Variants in CCDC192 observed in about 807,000 individuals in gnomAD.
The protein encoded by CCDC192 is coiled-coil domain-containing protein 192.
intron 5 of CCDC192, among the ~76,000 whole-genome samples, chr5:127,871,526 C>T (rs1407452187): frequency 6.6e-6 from 1 of 152,182 alleles, no homozygotes; most frequent in Non-Finnish European, 1.5e-5. Flanking sequence ...AACTACTACA[C>T]GGCATAGTGT....
chr5:127,839,960 A>T (rs1236005047), intron 5 of CCDC192, among the ~76,000 whole-genome samples: 5 of 152,238 alleles, frequency 3.3e-5, no homozygotes, highest in Admixed American at 3.3e-4. Context: ...TTTCATGAGA[A>T]TTAAATAAAA....
At chr5:127,823,667 G>C (rs544748563) in intron 5 of CCDC192, among the ~76,000 whole-genome samples, 14 of 152,118 alleles carry the variant, frequency 9.2e-5, no homozygotes, top group Non-Finnish European at 2.1e-4. Context: ...GTTCTCATTG[G>C]AAAGAGCTGT....
chr5:127,903,344 G>A (rs899953216), intron 6 of CCDC192, among the ~76,000 whole-genome samples: 1 of 151,732 alleles, frequency 6.6e-6, no homozygotes, highest in African/African-American at 2.4e-5. Context: ...CCAGGTTCAC[G>A]TGATTCTCCT....
chr5:127,737,687 G>A (rs1753105822), intron 2 of CCDC192, among the ~76,000 whole-genome samples: 1 of 151,492 alleles, frequency 6.6e-6, no homozygotes, highest in Admixed American at 6.6e-5. Context: ...TTATGTAATG[G>A]CCTTCTTTGT....
At chr5:127,791,858 A>G (rs1182496740) in intron 3 of CCDC192, among the ~76,000 whole-genome samples, 2 of 152,208 alleles carry the variant, frequency 1.3e-5, no homozygotes, top group African/African-American at 4.8e-5. Context: ...ACTGACAGAA[A>G]CCATTCTTCA....
chr5:127,826,769 C>T (rs1749552124), intron 5 of CCDC192, among the ~76,000 whole-genome samples: 1 of 150,864 alleles, frequency 6.6e-6, no homozygotes. Context: ...CACATGTACC[C>T]CCTCAAGCTA....
chr5:127,821,779 T>A (rs1749304360), intron 5 of CCDC192, among the ~76,000 whole-genome samples: 2 of 152,166 alleles, frequency 1.3e-5, no homozygotes, highest in Admixed American at 1.3e-4. Flanking sequence ...ATTTCTTCCA[T>A]GGCAGCATAA....
chr5:127,872,959 G>A (rs1236895394), intron 5 of CCDC192, among the ~76,000 whole-genome samples: 1 of 152,160 alleles, frequency 6.6e-6, no homozygotes, highest in Admixed American at 6.5e-5. Flanking sequence ...AAGTGGTCTG[G>A]TAATTGAATA....
At chr5:127,920,722 A>G (rs1402229633) in intron 6 of CCDC192, among the ~76,000 whole-genome samples, 1 of 151,830 alleles carries the variant, frequency 6.6e-6, no homozygotes, top group Non-Finnish European at 1.5e-5. Context: ...CTAAAGAGGT[A>G]TTAATAAGTT....
intron 3 of CCDC192, among the ~76,000 whole-genome samples, chr5:127,790,898 T>C (rs1756831076): frequency 6.6e-6 from 1 of 152,224 alleles, no homozygotes; most frequent in African/African-American, 2.4e-5. Context: ...TTTTACAGCA[T>C]AGAAAAAGAA....
chr5:127,759,228 T>A (rs1462028921), intron 3 of CCDC192, among the ~76,000 whole-genome samples: 1 of 152,238 alleles, frequency 6.6e-6, no homozygotes, highest in African/African-American at 2.4e-5. Flanking sequence ...GATAGGTATC[T>A]GTCCCTCTGT....
chr5:127,843,283 C>A (rs539477249), intron 5 of CCDC192, among the ~76,000 whole-genome samples: 2 of 152,054 alleles, frequency 1.3e-5, no homozygotes, highest in Admixed American at 6.6e-5. Flanking sequence ...CGTAATCCAC[C>A]CGCCTCAGCC....
chr5:127,940,988 C>G, intron 6 of CCDC192, 194 bp from the exon 7 acceptor site: 1 of 386,596 alleles, frequency 2.6e-6, no homozygotes, highest in Non-Finnish European at 4.6e-6. Flanking sequence ...TGTTTTGTTT[C>G]TTTTTTCATG....
chr5:127,899,579 A>T (rs1014939156), intron 6 of CCDC192, among the ~76,000 whole-genome samples: 23 of 145,282 alleles, frequency 1.6e-4, no homozygotes, highest in South Asian at 6.7e-4. Context: ...AAAAAAAAAA[A>T]TTTGATTTGA....
intron 6 of CCDC192, among the ~76,000 whole-genome samples, chr5:127,919,071 A>ACATGTG (rs1753626068): frequency 1.5e-5 from 2 of 132,274 alleles, no homozygotes; most frequent in African/African-American, 6.6e-5. Flanking sequence ...GTGTGTGTAT[A>ACATGTG]TATGTGTGTG....
At chr5:127,907,734 A>G (rs1753239190) in intron 6 of CCDC192, among the ~76,000 whole-genome samples, 1 of 152,238 alleles carries the variant, frequency 6.6e-6, no homozygotes. Flanking sequence ...TGTAGCTCAC[A>G]TAACAAGATT....
At chr5:127,878,519 G>A (rs189392523) in intron 6 of CCDC192, among the ~76,000 whole-genome samples, 3 of 152,282 alleles carry the variant, frequency 2.0e-5, no homozygotes, top group African/African-American at 7.2e-5. Context: ...AGCCAGGCAT[G>A]GTGATGCATC....
At chr5:127,781,148 G>A (rs1756194813) in intron 3 of CCDC192, among the ~76,000 whole-genome samples, 1 of 152,046 alleles carries the variant, frequency 6.6e-6, no homozygotes, top group Non-Finnish European at 1.5e-5. Context: ...GTAAGCATTT[G>A]GGTTTTTTTC....
At chr5:127,728,534 C>G (rs1752462555) in intron 2 of CCDC192, among the ~76,000 whole-genome samples, 3 of 152,188 alleles carry the variant, frequency 2.0e-5, no homozygotes, top group Admixed American at 2.0e-4. Context: ...TTTGCAGGAG[C>G]TCCTGAAGGA....
Sources: gnomAD v4.1 joint callset for allele counts (sites outside exome capture counted in the v4.1 genomes callset) on GRCh38, gnomAD v4.1.1 for gene constraint, MANE v1.5 for transcripts, NCBI Gene and HGNC (gene_info 2026-07-23, HGNC 2026-07-21) for gene names.